The following RGS17 variants were observed in gnomAD, a reference collection of about 807,000 sequenced individuals.
RGS17 encodes the protein regulator of G protein signaling 17.
A neutral mutation model predicts 25.5 loss-of-function variants in RGS17; 12 were observed. The observed-to-expected ratio is 0.47, with a 90% CI of 0.30 to 0.76. The LOEUF is 0.76. Among genes scored for constraint, RGS17 ranks in the 30% least tolerant of loss-of-function variants. The probability of loss-of-function intolerance (pLI) is 0.07; values close to 1 mark genes in which losing one functional copy is unlikely to be tolerated. For synonymous variants in RGS17, 71 were observed against 76.9 expected, an observed-to-expected ratio of 0.92 and a Z score of 0.40; for missense variants, 196 against 242.2, an observed-to-expected ratio of 0.81 and a Z score of 1.27.
chr6:153,035,226 T>A (rs1562316604), intron 2 of RGS17, among the ~76,000 whole-genome samples: 1 of 152,008 alleles, frequency 6.6e-6, no homozygotes, highest in African/African-American at 2.4e-5. Context: ...TAGGAACAGA[T>A]ATTCCCATGC....
Position 153,011,281 on chromosome 6 carries a change from CTG to C in RGS17, c.*291_*292del. Reference sequence around the variant, plus strand: ...GCATTTTACTTTGCACATGCAGTCTCTGGAGATACACGAGGAGACTGTTCATA... The same window carrying C: ...GCATTTTACTTTGCACATGCAGTCTCGAGATACACGAGGAGACTGTTCATA... On this transcript the variant is annotated 3_prime_UTR_variant, in exon 5 of 5. Coordinates refer to ENST00000206262, the MANE Select transcript of RGS17 (RefSeq NM_012419.5). The C allele has an allele frequency of 3.6e-6, 1 of 280,194 alleles. No individual in the cohort carries two copies. Among genetic ancestry groups the C allele is most frequent in the Non-Finnish European group, 6.6e-6 (1 of 151,212 alleles). The allele number at this position is 280,194 out of a possible 1,614,324, so 17.4% of individuals were successfully genotyped here. A position where few individuals can be genotyped will look rare whatever the true frequency, so the allele number is the denominator to read the frequency against.
intron 4 of RGS17, among the ~76,000 whole-genome samples, chr6:153,020,445 G>A (rs896041283): frequency 2.0e-5 from 3 of 151,692 alleles, no homozygotes; most frequent in African/African-American, 4.8e-5. Flanking sequence ...GAGCCACCGC[G>A]CCCGGTGATA....
chr6:153,015,454 T>A (rs975699057), intron 4 of RGS17, among the ~76,000 whole-genome samples: 1 of 152,170 alleles, frequency 6.6e-6, no homozygotes, highest in African/African-American at 2.4e-5. Context: ...AATACCAGCC[T>A]GATGAGTCAG....
At chr6:153,038,172 C>T (rs976322565) in intron 2 of RGS17, among the ~76,000 whole-genome samples, 9 of 152,140 alleles carry the variant, frequency 5.9e-5, no homozygotes, top group Non-Finnish European at 1.2e-4. Context: ...CAGACCTCAC[C>T]GTGCAGAGCC....
At chr6:153,019,719 C>T (rs1779220388) in intron 4 of RGS17, among the ~76,000 whole-genome samples, 1 of 152,108 alleles carries the variant, frequency 6.6e-6, no homozygotes, top group Non-Finnish European at 1.5e-5. Context: ...CTTCCTGAGG[C>T]CTCCCTAGAA....
intron 1 of RGS17, among the ~76,000 whole-genome samples, chr6:153,105,528 A>C (rs1186576894): frequency 6.6e-6 from 1 of 152,156 alleles, no homozygotes; most frequent in African/African-American, 2.4e-5. Flanking sequence ...GTCTATACCA[A>C]GTGTTCGCTG....
chr6:153,044,075 A>G, intron 1 of RGS17, 32 bp from the exon 2 acceptor site: 1 of 1,050,284 alleles, frequency 9.5e-7, no homozygotes, highest in East Asian at 2.4e-5. Flanking sequence ...ATTGGGTATG[A>G]AAAAAGCAAT....
chr6:153,019,867 T>C (rs569013117), intron 4 of RGS17, among the ~76,000 whole-genome samples: 1 of 152,102 alleles, frequency 6.6e-6, no homozygotes, highest in South Asian at 2.1e-4. Context: ...ATCTTTTCAA[T>C]AATAAATATA....
At chr6:153,058,073 A>G (rs1467115517) in intron 1 of RGS17, among the ~76,000 whole-genome samples, 1 of 152,226 alleles carries the variant, frequency 6.6e-6, no homozygotes, top group African/African-American at 2.4e-5. Flanking sequence ...ATTGATAATA[A>G]TAGAACACAT....
At chr6:153,059,067 C>A (rs1220041348) in intron 1 of RGS17, among the ~76,000 whole-genome samples, 1 of 152,098 alleles carries the variant, frequency 6.6e-6, no homozygotes, top group Non-Finnish European at 1.5e-5. Flanking sequence ...CATGTAATTT[C>A]TTTTCCTACT....
At chr6:153,065,387 T>C (rs980088780) in intron 1 of RGS17, among the ~76,000 whole-genome samples, 1 of 152,208 alleles carries the variant, frequency 6.6e-6, no homozygotes, top group Admixed American at 6.5e-5. Flanking sequence ...CAGCATTGGA[T>C]AAGTCTTCCA....
At chr6:153,023,766 A>G (rs1300603994) in intron 4 of RGS17, among the ~76,000 whole-genome samples, 3 of 152,172 alleles carry the variant, frequency 2.0e-5, no homozygotes, top group African/African-American at 7.2e-5. Flanking sequence ...TTGAGTACCT[A>G]TACCAGAGGT....
At chr6:153,060,466 C>G (rs1307195990) in intron 1 of RGS17, among the ~76,000 whole-genome samples, 1 of 152,158 alleles carries the variant, frequency 6.6e-6, no homozygotes, top group Non-Finnish European at 1.5e-5. Flanking sequence ...TCTTCTTTGG[C>G]CTGTAATTCC....
chr6:153,079,028 T>C (rs1346940509), intron 1 of RGS17, among the ~76,000 whole-genome samples: 1 of 152,176 alleles, frequency 6.6e-6, no homozygotes, highest in Non-Finnish European at 1.5e-5. Context: ...TTTCTTTTTC[T>C]CACCTTATTA....
intron 1 of RGS17, among the ~76,000 whole-genome samples, chr6:153,118,126 T>A (rs947544007): frequency 6.6e-6 from 1 of 152,186 alleles, no homozygotes; most frequent in African/African-American, 2.4e-5. Context: ...CTTGGTGCTG[T>A]CTCTCCTCAC....
At chr6:153,074,849 T>C (rs541486094) in intron 1 of RGS17, among the ~76,000 whole-genome samples, 23 of 152,290 alleles carry the variant, frequency 1.5e-4, no homozygotes, top group Admixed American at 9.2e-4. Context: ...TATATGGATA[T>C]CTCAGTTTGG....
chr6:153,090,335 C>T (rs1357352977), intron 1 of RGS17, among the ~76,000 whole-genome samples: 1 of 151,480 alleles, frequency 6.6e-6, no homozygotes, highest in Non-Finnish European at 1.5e-5. Flanking sequence ...ATTCCAGGCC[C>T]GGCATGGTGG....
chr6:153,021,080 A>G (rs1779243538), intron 4 of RGS17, among the ~76,000 whole-genome samples: 1 of 152,218 alleles, frequency 6.6e-6, no homozygotes. Flanking sequence ...TACAGTTGCC[A>G]TTATGCATTT....
intron 1 of RGS17, among the ~76,000 whole-genome samples, chr6:153,093,684 AGGCACCCAGAAT>A (rs1263456029): frequency 6.6e-6 from 1 of 152,202 alleles, no homozygotes; most frequent in Non-Finnish European, 1.5e-5. Flanking sequence ...GAGAACAGAA[AGGCACCCAGAAT>A]GGCACCTACT....
Sources: gnomAD v4.1 joint callset for allele counts (sites outside exome capture counted in the v4.1 genomes callset) on GRCh38, gnomAD v4.1.1 for gene constraint, MANE v1.5 for transcripts, NCBI Gene and HGNC (gene_info 2026-07-23, HGNC 2026-07-21) for gene names.